CDH13: variants seen among roughly 807,000 people sequenced by gnomAD.
CDH13 encodes the protein cadherin 13, also known as cadherin-13.
In CDH13, 24 loss-of-function variants were observed where a neutral mutation model predicts 63.8. The observed-to-expected ratio is 0.38, with a 90% CI of 0.27 to 0.53. CDH13 has a LOEUF of 0.53. Ranked by LOEUF, CDH13 falls within the 20% of genes least tolerant of loss-of-function variation. CDH13 has a pLI of 0.85. For missense variants in CDH13, 1,049 were observed against 903.1 expected, an observed-to-expected ratio of 1.16 and a Z score of -2.07; for synonymous variants, 503 against 355.3, an observed-to-expected ratio of 1.42 and a Z score of -4.67.
At position 83,055,498 on chromosome 16, in the gene CDH13, T is replaced by C. The variant is rs111762610; in HGVS notation, c.366+23280T>C. Among the ~76,000 whole-genome samples the C allele has an allele frequency of 1.6e-4, 25 of 151,918 alleles. 2 individuals carry two copies. The highest frequency in any genetic ancestry group is 5.8e-4 in the African/African-American group (24 of 41,508). ...GTTAATACATTTATAAAAATTAATT[T>C]GAAAATTAAAACTGGCAAATTCTGT... On this transcript the variant is annotated intron_variant, in intron 3 of 13. Coordinates refer to ENST00000567109, the MANE Select transcript of CDH13 (RefSeq NM_001257.5).
At chr16:83,202,585 T>G (rs139025352) in intron 4 of CDH13, among the ~76,000 whole-genome samples, 1 of 152,172 alleles carries the variant, frequency 6.6e-6, no homozygotes, top group East Asian at 1.9e-4. Flanking sequence ...TTTTATTTAT[T>G]TTTGATACTA....
intron 1 of CDH13, among the ~76,000 whole-genome samples, chr16:82,792,840 A>G (rs1269073217): frequency 2.0e-5 from 3 of 152,256 alleles, no homozygotes; most frequent in Non-Finnish European, 4.4e-5. Flanking sequence ...ACATCATTCC[A>G]GACTACAAAG....
intron 5 of CDH13, among the ~76,000 whole-genome samples, chr16:83,292,585 G>T (rs141131934): frequency 1.4e-4 from 21 of 152,206 alleles, no homozygotes; most frequent in African/African-American, 5.1e-4. Context: ...CAAGCGGTAG[G>T]AGCTATACCT....
At chr16:83,553,946 GT>G in intron 7 of CDH13, among the ~76,000 whole-genome samples, 1 of 152,178 alleles carries the variant, frequency 6.6e-6, no homozygotes, top group East Asian at 1.9e-4. Flanking sequence ...AGATAATTTT[GT>G]GTCTTTTATA....
At chr16:83,345,342 G>A (rs1423109513) in intron 6 of CDH13, among the ~76,000 whole-genome samples, 2 of 152,134 alleles carry the variant, frequency 1.3e-5, no homozygotes, top group East Asian at 1.9e-4. Context: ...CTATAGCAGG[G>A]CTTTGATGAG....
At chr16:83,495,454 C>T (rs923740385) in intron 7 of CDH13, among the ~76,000 whole-genome samples, 2 of 152,120 alleles carry the variant, frequency 1.3e-5, no homozygotes, top group Non-Finnish European at 2.9e-5. Context: ...TAGCAGGCTT[C>T]AGAGAGACTA....
chr16:83,009,065 A>C (rs567066339), intron 2 of CDH13, among the ~76,000 whole-genome samples: 25 of 151,924 alleles, frequency 1.6e-4, no homozygotes, highest in African/African-American at 5.8e-4. Flanking sequence ...ATTCAATTCC[A>C]CCCCCACCGG....
Position 83,779,406 on chromosome 16 carries a change from C to CA in CDH13, c.1682-530dup, listed in dbSNP as rs144757645. Reference sequence around the variant, plus strand: ...CGGGCGACAGCGCGAGACTCCATCTCAAAAAAAAAAAAAAAAAAAAAAAAA... The same window carrying CA: ...CGGGCGACAGCGCGAGACTCCATCTCAAAAAAAAAAAAAAAAAAAAAAAAAA... On this transcript the variant is annotated intron_variant, in intron 11 of 13. Transcript: ENST00000567109. Among the ~76,000 whole-genome samples the CA allele has an allele frequency of 5.5e-3, 456 of 82,218 alleles. 57 individuals are homozygous for CA. The highest frequency in any genetic ancestry group is 0.012 in the African/African-American group (209 of 17,710). 53.9% of individuals were successfully genotyped at this position (82,218 alleles called of 152,430 possible). A position where few individuals can be genotyped will look rare whatever the true frequency, so the allele number is the denominator to read the frequency against.
chr16:83,476,767 G>C (rs987372904), intron 6 of CDH13, among the ~76,000 whole-genome samples: 1 of 152,142 alleles, frequency 6.6e-6, no homozygotes, highest in Non-Finnish European at 1.5e-5. Context: ...ATATATTGGA[G>C]AGTTACAATT....
intron 7 of CDH13, among the ~76,000 whole-genome samples, chr16:83,533,035 G>A (rs1287262298): frequency 6.6e-6 from 1 of 152,154 alleles, no homozygotes; most frequent in African/African-American, 2.4e-5. Flanking sequence ...AGAGCATCAG[G>A]CATCTCTAAA....
At chr16:83,052,347 T>G (rs1382488031) in intron 3 of CDH13, among the ~76,000 whole-genome samples, 1 of 152,236 alleles carries the variant, frequency 6.6e-6, no homozygotes, top group Non-Finnish European at 1.5e-5. Context: ...AGATTAACAA[T>G]TCAGGTTCAT....
At chr16:83,044,298 A>C (rs190712788) in intron 3 of CDH13, among the ~76,000 whole-genome samples, 149 of 152,348 alleles carry the variant, frequency 9.8e-4, no homozygotes, top group African/African-American at 3.5e-3. Flanking sequence ...GCTAATACTG[A>C]CATTTATGGC....
rs1158334178 is a variant in CDH13 at position 83,578,858 on chromosome 16, G to T, written c.961-23596G>T. On this transcript the variant is annotated intron_variant, in intron 7 of 13. Coordinates refer to ENST00000567109, the MANE Select transcript of CDH13 (RefSeq NM_001257.5). The stretch of plus-strand genomic sequence containing the variant: ...TCATTAGTGCTCACAACAATGCGGT[G>T]AGGCAGATTCTATTATTCTCCCTAT... Among the ~76,000 whole-genome samples, 3 of 152,198 alleles carry T rather than the reference G, an allele frequency of 2.0e-5. No homozygotes were observed. The South Asian group carries it at 6.2e-4, about 31-fold the overall frequency.
At chr16:83,596,302 G>A (rs1256195468) in intron 7 of CDH13, among the ~76,000 whole-genome samples, 6 of 152,146 alleles carry the variant, frequency 3.9e-5, no homozygotes, top group South Asian at 4.1e-4. Flanking sequence ...AACATTCAAG[G>A]CAAAAATCCC....
chr16:83,394,532 G>C (rs11646969), intron 6 of CDH13, among the ~76,000 whole-genome samples: 11,677 of 152,224 alleles, frequency 0.077, 523 homozygotes, highest in Non-Finnish European at 0.11. Context: ...CAGAAGCAGG[G>C]GGAGCAGATC....
At chr16:83,014,484 A>T (rs896619931) in intron 2 of CDH13, among the ~76,000 whole-genome samples, 6 of 151,660 alleles carry the variant, frequency 4.0e-5, no homozygotes, top group African/African-American at 1.5e-4. Flanking sequence ...CTGTAATCTC[A>T]GCACTTTGGG....
chr16:83,134,588 A>AGT (rs1567863491), intron 4 of CDH13, among the ~76,000 whole-genome samples: 6 of 51,946 alleles, frequency 1.2e-4, no homozygotes, highest in African/African-American at 2.6e-4. Context: ...AGAGAGAGAG[A>AGT]GAGAGTGAGT....
intron 6 of CDH13, among the ~76,000 whole-genome samples, chr16:83,413,650 C>T (rs527454682): frequency 6.6e-6 from 1 of 152,294 alleles, no homozygotes; most frequent in East Asian, 1.9e-4. Flanking sequence ...GCCAACCCCA[C>T]TTATCCTCAA....
intron 7 of CDH13, among the ~76,000 whole-genome samples, chr16:83,565,132 A>G (rs778944037): frequency 6.6e-6 from 1 of 151,952 alleles, no homozygotes; most frequent in Non-Finnish European, 1.5e-5. Context: ...TAGTTCTCCA[A>G]TACTCTTCAG....
Sources: allele counts gnomAD v4.1 joint callset (sites outside exome capture counted in the v4.1 genomes callset), GRCh38; gene constraint gnomAD v4.1.1; transcripts MANE v1.5; gene names NCBI Gene and HGNC (gene_info 2026-07-23, HGNC 2026-07-21).